The following PALM variants were observed in gnomAD, a reference collection of about 807,000 sequenced individuals.
PALM encodes the protein paralemmin-1.
Under a neutral mutation model 30.7 loss-of-function variants are expected in PALM, and 18 were observed. The observed-to-expected ratio is 0.59, with a 90% CI of 0.41 to 0.87. PALM has a LOEUF of 0.87. Ranked by LOEUF, PALM falls within the 40% of genes least tolerant of loss-of-function variation. PALM has a pLI of 0.00. For synonymous variants in PALM, 286 were observed against 242.8 expected (o/e 1.18, Z -1.66); for missense variants, 529 against 555.4 (o/e 0.95, Z 0.48).
chr19:710,823 C>T (rs942824060), intron 1 of PALM, among the ~76,000 whole-genome samples: 1 of 152,224 alleles, frequency 6.6e-6, no homozygotes, highest in African/African-American at 2.4e-5. Context: ...CAGTGTTAAC[C>T]GGCTGCTGTG....
At chr19:719,048 G>A (rs895896527) in intron 1 of PALM, 63 of 874,308 alleles carry the variant, frequency 7.2e-5, no homozygotes, top group Non-Finnish European at 8.0e-5. Flanking sequence ...CCCCCACAAT[G>A]GCCAAGGTCA....
At chr19:743,209 G>A (rs935200414) in intron 8 of PALM, among the ~76,000 whole-genome samples, 13 of 152,162 alleles carry the variant, frequency 8.5e-5, no homozygotes, top group African/African-American at 2.9e-4. Flanking sequence ...TGGCTTTGGG[G>A]TGTGGCGTTG....
At chr19:745,627 G>A (rs2238565) in intron 8 of PALM, among the ~76,000 whole-genome samples, 26,021 of 150,790 alleles carry the variant, frequency 0.17, 2,713 homozygotes, top group African/African-American at 0.26. Context: ...CTAGGGAGGC[G>A]GAGGTTGCGG....
At chr19:735,828 G>C (rs2065558880) in intron 6 of PALM, among the ~76,000 whole-genome samples, 191 bp from the exon 7 acceptor site, 1 of 149,354 alleles carries the variant, frequency 6.7e-6, no homozygotes, top group East Asian at 2.0e-4. Context: ...CTGTGTGTCT[G>C]AGGGCCCAGG....
At chr19:734,970 C>T (rs1172464305) in intron 6 of PALM, 3 of 625,166 alleles carry the variant, frequency 4.8e-6, no homozygotes, top group Non-Finnish European at 6.0e-6. Flanking sequence ...GTCTTCTTGT[C>T]TTACTGTAGA....
At chr19:740,311 G>A in intron 7 of PALM, 41 bp from the exon 8 acceptor site, 1 of 1,520,570 alleles carries the variant, frequency 6.6e-7, no homozygotes, top group Non-Finnish European at 8.9e-7. Context: ...GGGGTGCGGG[G>A]GCGGGCAGGC....
intron 1 of PALM, among the ~76,000 whole-genome samples, chr19:724,289 A>G (rs1038056900): frequency 2.6e-5 from 4 of 152,060 alleles, no homozygotes; most frequent in Non-Finnish European, 5.9e-5. Context: ...CTTCAGGCGT[A>G]TCCGGCAACA....
intron 1 of PALM, among the ~76,000 whole-genome samples, chr19:710,273 C>T (rs1464200407): frequency 6.6e-6 from 1 of 152,240 alleles, no homozygotes; most frequent in Non-Finnish European, 1.5e-5. Flanking sequence ...GCCTCCCTCC[C>T]TCCCTGGGAA....
chr19:709,915 G>C lies in PALM; in HGVS notation c.5+764G>C, dbSNP rs562236465. Among the ~76,000 whole-genome samples, 1 of 146,954 alleles carries C rather than the reference G, an allele frequency of 6.8e-6. No homozygotes were observed. The highest frequency in any genetic ancestry group is 1.9e-4 in the East Asian group (1 of 5,188). On this transcript the variant is annotated intron_variant, in intron 1 of 8. Coordinates refer to ENST00000338448, the MANE Select transcript of PALM (RefSeq NM_002579.3). This position sits in a 1 kb window ranked among gnomAD's most constrained non-coding sequence, Gnocchi z 4.3. Reference sequence around the variant, plus strand: ...GCATGGCTGCGCCTGTGTGTGTGGGGGGGGGGTGGCCAGTGGAGGCACCGA... The same window carrying C: ...GCATGGCTGCGCCTGTGTGTGTGGGCGGGGGGTGGCCAGTGGAGGCACCGA...
chr19:740,968 CA>C (rs60937470), intron 8 of PALM, among the ~76,000 whole-genome samples: 4,703 of 93,812 alleles, frequency 0.05, 374 homozygotes, highest in East Asian at 0.42. Flanking sequence ...CCGTCTCTAC[CA>C]AAAAAAAAAA....
intron 1 of PALM, among the ~76,000 whole-genome samples, chr19:720,669 G>C (rs981140789): frequency 4.1e-4 from 63 of 151,808 alleles, no homozygotes; most frequent in Admixed American, 2.1e-3. Context: ...CCTGGGGAGG[G>C]GCCTGCGCCC....
intron 8 of PALM, among the ~76,000 whole-genome samples, chr19:745,680 A>G (rs2033317033): frequency 1.1e-5 from 1 of 93,424 alleles, no homozygotes; most frequent in Admixed American, 1.2e-4. Context: ...GGGCAGCTCC[A>G]TCTCAGAAAA....
intron 7 of PALM, among the ~76,000 whole-genome samples, chr19:738,552 C>T (rs2033091939): frequency 6.6e-6 from 1 of 151,550 alleles, no homozygotes; most frequent in Admixed American, 6.6e-5. Context: ...GAGGACTGAG[C>T]TGCCCCCAAC....
At chr19:710,516 G>A (rs973818449) in intron 1 of PALM, among the ~76,000 whole-genome samples, 12 of 152,188 alleles carry the variant, frequency 7.9e-5, no homozygotes, top group African/African-American at 2.9e-4. Context: ...TGGGGAGGGG[G>A]CTGCCTAGGA....
chr19:718,282 A>T (rs1438823863), intron 1 of PALM, among the ~76,000 whole-genome samples: 1 of 152,210 alleles, frequency 6.6e-6, no homozygotes, highest in Admixed American at 6.5e-5. Context: ...CTAAATGAGG[A>T]GGTGACGTCT....
At chr19:736,232 C>T (rs1326117836) in intron 7 of PALM, 154 bp downstream of exon 7, 2 of 556,186 alleles carry the variant, frequency 3.6e-6, no homozygotes, top group South Asian at 2.4e-5. Flanking sequence ...GGACCGAGGC[C>T]GAGGCTCCGA....
chr19:741,010 G>T (rs190883154), intron 8 of PALM, among the ~76,000 whole-genome samples: 1 of 151,416 alleles, frequency 6.6e-6, no homozygotes, highest in African/African-American at 2.4e-5. Context: ...ATGGTGGTGC[G>T]TGCCTGTGGT....
intron 5 of PALM, 90 bp downstream of exon 5, chr19:731,335 T>C: frequency 1.6e-6 from 2 of 1,217,764 alleles, no homozygotes; most frequent in Non-Finnish European, 1.1e-6. Context: ...TCAGCGTAGC[T>C]GAGGGGACAG....
At chr19:727,225 C>CCT in intron 3 of PALM, 137 bp downstream of exon 3, 1 of 535,866 alleles carries the variant, frequency 1.9e-6, no homozygotes, top group Non-Finnish European at 3.2e-6. Flanking sequence ...ACCCTGACCC[C>CCT]GACCCTGACC....
Sources: gnomAD v4.1 joint callset for allele counts (sites outside exome capture counted in the v4.1 genomes callset) on GRCh38, gnomAD v4.1.1 for gene constraint, Gnocchi (gnomAD v3.1) non-coding constraint, MANE v1.5 for transcripts, NCBI Gene and HGNC (gene_info 2026-07-23, HGNC 2026-07-21) for gene names.